The following CTNNA3 variants were observed in gnomAD, a reference collection of about 807,000 sequenced individuals.
CTNNA3 encodes catenin alpha 3.
Under a neutral mutation model 95.7 loss-of-function variants are expected in CTNNA3, and 76 were observed. The observed-to-expected ratio is 0.79, with a 90% CI of 0.66 to 0.96. The LOEUF (loss-of-function observed/expected upper bound fraction) is 0.96, where lower values mean the gene tolerates loss of function less well. Among genes scored for constraint, CTNNA3 ranks in the 40% least tolerant of loss-of-function variants. The probability of loss-of-function intolerance (pLI) is 0.00; values close to 1 mark genes in which losing one functional copy is unlikely to be tolerated. For missense variants in CTNNA3, 1,191 were observed against 1,089.8 expected (o/e 1.09, Z -1.31); for synonymous variants, 431 against 374.4 (o/e 1.15, Z -1.74).
intron 13 of CTNNA3, among the ~76,000 whole-genome samples, chr10:66,153,402 T>C (rs2084308305): frequency 6.6e-6 from 1 of 151,930 alleles, no homozygotes; most frequent in Non-Finnish European, 1.5e-5. Flanking sequence ...CAAAGAAAGA[T>C]ACTATTTTTA....
At chr10:66,447,022 A>T (rs1057466954) in intron 11 of CTNNA3, among the ~76,000 whole-genome samples, 7 of 151,726 alleles carry the variant, frequency 4.6e-5, no homozygotes, top group African/African-American at 1.7e-4. Flanking sequence ...GCATTCTTAT[A>T]CACCAATAAC....
chr10:66,687,629 C>G lies in CTNNA3; in HGVS notation c.1282-65845G>C, dbSNP rs56334004. Among the ~76,000 whole-genome samples the G allele has an allele frequency of 6.5e-3, 989 of 151,898 alleles. 10 individuals are homozygous for G. Among genetic ancestry groups the G allele is most frequent in the South Asian group, 0.023 (110 of 4,804 alleles). Reference sequence around the variant, plus strand: ...AGGAGAGGGCCAAGCAGGATATGAACTGTTCTGAATTCTTTCTTCTACCTT... The same window carrying G: ...AGGAGAGGGCCAAGCAGGATATGAAGTGTTCTGAATTCTTTCTTCTACCTT... On this transcript the variant is annotated intron_variant, in intron 9 of 17. Coordinates refer to ENST00000433211, the MANE Select transcript of CTNNA3 (RefSeq NM_013266.4).
chr10:66,100,519 G>A (rs1476555209), intron 14 of CTNNA3, among the ~76,000 whole-genome samples: 2 of 152,168 alleles, frequency 1.3e-5, no homozygotes, highest in African/African-American at 4.8e-5. Flanking sequence ...TCACTAAACA[G>A]TGGTGAGGTT....
Position 67,606,988 on chromosome 10 carries a change from C to T in CTNNA3, c.161G>A (p.Arg54Lys). 1 of 1,614,100 alleles carries T rather than the reference C, an allele frequency of 6.2e-7. No individual in the cohort carries two copies. The change falls in exon 3 of 18, where the codon AGA (arginine) becomes AAA (lysine). Residue 54 changes from arginine (R) to lysine (K), a missense_variant. Transcript: ENST00000433211. The part of the protein sequence containing the change: ...PSSRKKGRSK[R>K]ASVLLASVEE... ...CACAGAAGCTAGAAGGACACTGGCT[C>T]TTTTCGAACGTCCTTTTTTCCTGCT...
At position 65,931,911 on chromosome 10, in the gene CTNNA3, T is replaced by C. The variant is rs551285528; in HGVS notation, c.2401-11294A>G. Among the ~76,000 whole-genome samples the C allele has an allele frequency of 7.2e-5, 11 of 152,272 alleles. No homozygotes were observed. The South Asian group carries it at 2.3e-3, about 32-fold the overall frequency. On this transcript the variant is annotated intron_variant, in intron 17 of 17. Coordinates refer to ENST00000433211, the MANE Select transcript of CTNNA3 (RefSeq NM_013266.4). The stretch of plus-strand genomic sequence containing the variant: ...ATCCCCAACCTGAAAGCAGTAGGCA[T>C]CTAAACTAATCCCCAGGCATTGGAA...
intron 15 of CTNNA3, among the ~76,000 whole-genome samples, chr10:65,999,113 A>G (rs2078721156): frequency 1.3e-5 from 2 of 152,290 alleles, no homozygotes; most frequent in African/African-American, 2.4e-5. Flanking sequence ...TCATTATAAT[A>G]TTTGAGTTGC....
chr10:66,492,725 G>A (rs766957739), intron 11 of CTNNA3, among the ~76,000 whole-genome samples: 13 of 152,116 alleles, frequency 8.5e-5, no homozygotes, highest in Non-Finnish European at 1.8e-4. Flanking sequence ...TCAGAATTCT[G>A]GAATGTGATT....
intron 9 of CTNNA3, among the ~76,000 whole-genome samples, chr10:66,698,530 A>G (rs1847841533): frequency 1.3e-5 from 2 of 152,246 alleles, no homozygotes; most frequent in African/African-American, 4.8e-5. Flanking sequence ...TGGAGTGGGC[A>G]GACTCCTGCT....
chr10:67,165,413 G>A (rs959226476), intron 7 of CTNNA3, among the ~76,000 whole-genome samples: 1 of 152,254 alleles, frequency 6.6e-6, no homozygotes, highest in East Asian at 1.9e-4. Context: ...TAGCACAAGG[G>A]AGATATTTGT....
intron 15 of CTNNA3, among the ~76,000 whole-genome samples, chr10:65,996,013 C>T (rs1467534529): frequency 6.6e-6 from 1 of 152,144 alleles, no homozygotes; most frequent in Non-Finnish European, 1.5e-5. Context: ...GTGGTGGCAG[C>T]AATGACAGCA....
At position 66,481,761 on chromosome 10, in the gene CTNNA3, G is replaced by A. The variant is rs941948415; in HGVS notation, c.1531+38856C>T. On this transcript the variant is annotated intron_variant, in intron 11 of 17. Coordinates refer to ENST00000433211, the MANE Select transcript of CTNNA3 (RefSeq NM_013266.4). ...GCTGGGATTACAGGCGTGAGCCACC[G>A]CGTTGTTTCTTGCATTAAAATATCA... Among the ~76,000 whole-genome samples, 105 of 134,480 alleles carry A rather than the reference G, an allele frequency of 7.8e-4. 1 individual carries two copies. The highest frequency in any genetic ancestry group is 6.5e-3 in the South Asian group (28 of 4,298). 88.2% of individuals were successfully genotyped at this position (134,480 alleles called of 152,430 possible).
intron 7 of CTNNA3, among the ~76,000 whole-genome samples, chr10:66,976,686 T>C (rs1174595515): frequency 6.6e-6 from 1 of 152,222 alleles, no homozygotes; most frequent in Non-Finnish European, 1.5e-5. Flanking sequence ...TCTGCCACAC[T>C]GATCTATTTA....
chr10:66,999,512 T>C lies in CTNNA3; in HGVS notation c.1047+180805A>G, dbSNP rs192077934. On this transcript the variant is annotated intron_variant, in intron 7 of 17. Coordinates refer to ENST00000433211, the MANE Select transcript of CTNNA3 (RefSeq NM_013266.4). The stretch of plus-strand genomic sequence containing the variant: ...GATTATGCCATAAAATCCATTCTTC[T>C]AGCTTCAATCACTATTGTCTCTCTT... Among the ~76,000 whole-genome samples, 650 of 152,292 alleles carry C rather than the reference T, an allele frequency of 4.3e-3. 3 individuals carry two copies. Among genetic ancestry groups the C allele is most frequent in the Middle Eastern group, 6.8e-3 (2 of 294 alleles).
intron 7 of CTNNA3, among the ~76,000 whole-genome samples, chr10:67,163,592 T>TAA (rs1236513635): frequency 2.6e-5 from 4 of 152,020 alleles, no homozygotes; most frequent in Non-Finnish European, 5.9e-5. Flanking sequence ...TCACCACACT[T>TAA]ACGCACCATA....
intron 5 of CTNNA3, among the ~76,000 whole-genome samples, chr10:67,293,461 A>C (rs1839912745): frequency 6.6e-6 from 1 of 152,200 alleles, no homozygotes; most frequent in Non-Finnish European, 1.5e-5. Flanking sequence ...ATTACTTATG[A>C]CTGGAACATG....
intron 1 of CTNNA3, among the ~76,000 whole-genome samples, chr10:67,666,909 G>T (rs1032549798): frequency 3.3e-5 from 5 of 152,046 alleles, no homozygotes; most frequent in African/African-American, 9.7e-5. Context: ...TTACCAAGAA[G>T]AAGCAGAATT....
intron 9 of CTNNA3, among the ~76,000 whole-genome samples, chr10:66,751,566 T>A (rs1839142658): frequency 6.6e-6 from 1 of 152,220 alleles, no homozygotes; most frequent in African/African-American, 2.4e-5. Flanking sequence ...ATAGACATTG[T>A]CTTCATCTTC....
intron 13 of CTNNA3, among the ~76,000 whole-genome samples, chr10:66,144,820 T>C (rs1177111173): frequency 2.0e-5 from 3 of 152,232 alleles, no homozygotes; most frequent in Non-Finnish European, 4.4e-5. Context: ...CAGGCATTAA[T>C]GTCAGTTAAT....
chr10:66,604,987 A>T (rs1844067280), intron 10 of CTNNA3, among the ~76,000 whole-genome samples: 1 of 152,148 alleles, frequency 6.6e-6, no homozygotes, highest in Non-Finnish European at 1.5e-5. Context: ...AGTAGAATTC[A>T]GAATATGGAT....
Sources: gnomAD v4.1 joint callset for allele counts (sites outside exome capture counted in the v4.1 genomes callset) on GRCh38, gnomAD v4.1.1 for gene constraint, MANE v1.5 for transcripts, NCBI Gene and HGNC (gene_info 2026-07-23, HGNC 2026-07-21) for gene names.